DYNC2LI1: variants seen among roughly 807,000 people sequenced by gnomAD.
DYNC2LI1 encodes cytoplasmic dynein 2 light intermediate chain 1.
DYNC2LI1 carries 45 observed loss-of-function variants against 51.9 expected under a neutral mutation model. The ratio of observed to expected loss-of-function variants is 0.87; its 90% CI spans 0.68 to 1.11. The LOEUF is 1.11. DYNC2LI1 is among the 50% of genes most tolerant of loss of function. The pLI is 0.00. For missense variants in DYNC2LI1, 490 were observed against 417.4 expected (o/e 1.17, Z -1.51); for synonymous variants, 130 against 137.8 (o/e 0.94, Z 0.40).
At chr2:43,800,380 G>C (rs958962519) in intron 8 of DYNC2LI1, among the ~76,000 whole-genome samples, 2 of 152,178 alleles carry the variant, frequency 1.3e-5, no homozygotes, top group African/African-American at 2.4e-5. Context: ...CAGTCCCACA[G>C]TGACTCTTTG....
At chr2:43,807,519 A>G (rs1205529919) in intron 12 of DYNC2LI1, among the ~76,000 whole-genome samples, 1 of 151,860 alleles carries the variant, frequency 6.6e-6, no homozygotes, top group Non-Finnish European at 1.5e-5. Flanking sequence ...GGCTCACTGC[A>G]ACCTTGAACT....
chr2:43,826,315 G>A, the DYNC2LI1 span: 3 of 1,608,876 alleles, frequency 1.9e-6, no homozygotes, highest in Non-Finnish European at 2.5e-6. Context: ...TACAAATCTT[G>A]CCCCTGCCCC....
At chr2:43,826,638 G>T in the DYNC2LI1 span, 1 of 1,491,540 alleles carries the variant, frequency 6.7e-7, no homozygotes, top group Non-Finnish European at 9.2e-7. Flanking sequence ...ACAGTGTGCG[G>T]TGGGAAGTAA....
chr2:43,774,751 T>G (rs1267003801), intron 1 of DYNC2LI1, among the ~76,000 whole-genome samples: 3 of 152,198 alleles, frequency 2.0e-5, no homozygotes, highest in East Asian at 1.9e-4. Context: ...CTTGGGATAG[T>G]GTGGAGAATT....
At chr2:43,790,212 A>G (rs1673711743) in intron 5 of DYNC2LI1, among the ~76,000 whole-genome samples, 1 of 152,242 alleles carries the variant, frequency 6.6e-6, no homozygotes, top group African/African-American at 2.4e-5. Flanking sequence ...CTGACCTTAG[A>G]GAAATAGAAC....
At position 43,801,722 on chromosome 2, in the gene DYNC2LI1, A is replaced by G; in HGVS notation, c.802+13A>G. ...TTCGGTCAAATAGGTTAGTGAACTT[A>G]TTAAGATTGTTCAATCTTTTTTTAA... On this transcript the variant is annotated intron_variant, in intron 10 of 12. Coordinates refer to ENST00000260605, the MANE Select transcript of DYNC2LI1 (RefSeq NM_016008.4). 5 of 1,597,048 alleles carry G rather than the reference A, an allele frequency of 3.1e-6. No homozygotes were observed. The highest frequency in any genetic ancestry group is 4.3e-6 in the Non-Finnish European group (5 of 1,167,912).
chr2:43,801,738 CT>C, intron 10 of DYNC2LI1, 29 bp downstream of exon 10: 3 of 1,544,740 alleles, frequency 1.9e-6, no homozygotes, highest in Non-Finnish European at 2.7e-6. Flanking sequence ...ATTGTTCAAT[CT>C]TTTTTTAATT....
At chr2:43,806,821 C>T (rs947266431) in intron 12 of DYNC2LI1, among the ~76,000 whole-genome samples, 1 of 152,104 alleles carries the variant, frequency 6.6e-6, no homozygotes, top group Non-Finnish European at 1.5e-5. Context: ...CCCCACAGTA[C>T]CCATATCACC....
At chr2:43,817,885 G>A in the DYNC2LI1 span, among the ~76,000 whole-genome samples, 1 of 152,104 alleles carries the variant, frequency 6.6e-6, no homozygotes, top group African/African-American at 2.4e-5. Context: ...ATTCCAGCCT[G>A]GGTGACAGAG....
At chr2:43,779,916 G>A (rs1009372085) in intron 2 of DYNC2LI1, among the ~76,000 whole-genome samples, 6 of 152,218 alleles carry the variant, frequency 3.9e-5, no homozygotes, top group African/African-American at 1.4e-4. Flanking sequence ...GCATGGAGGA[G>A]GAAGGTGATT....
chr2:43,812,963 G>T (rs922810299), downstream of DYNC2LI1: 24 of 660,940 alleles, frequency 3.6e-5, no homozygotes, highest in Non-Finnish European at 2.8e-6. Context: ...TTCAAGGCCT[G>T]CTTGGATCCA....
chr2:43,818,399 G>A, the DYNC2LI1 span, among the ~76,000 whole-genome samples: 20 of 152,130 alleles, frequency 1.3e-4, no homozygotes, highest in Non-Finnish European at 2.6e-4. Flanking sequence ...AGCTGAGATC[G>A]CGCCATTGCA....
downstream of DYNC2LI1, chr2:43,810,389 A>C (rs1314461195): frequency 1.0e-6 from 1 of 985,250 alleles, no homozygotes; most frequent in Non-Finnish European, 1.2e-6. Context: ...AGGCACATCT[A>C]AGGAGATATC....
intron 1 of DYNC2LI1, among the ~76,000 whole-genome samples, chr2:43,774,349 A>T (rs1672913818): frequency 6.6e-6 from 1 of 152,218 alleles, no homozygotes; most frequent in African/African-American, 2.4e-5. Context: ...TAGGTAGAAA[A>T]GTGAGAGATT....
intron 9 of DYNC2LI1, 137 bp from the exon 10 acceptor site, chr2:43,801,498 GTCAC>G (rs1224559803): frequency 2.5e-5 from 13 of 521,322 alleles, no homozygotes; most frequent in East Asian, 1.9e-4. Flanking sequence ...TAAATTGATA[GTCAC>G]TCATTCATTC....
chr2:43,794,809 A>T, intron 6 of DYNC2LI1, 166 bp downstream of exon 6: 1 of 1,472,212 alleles, frequency 6.8e-7, no homozygotes, highest in Non-Finnish European at 9.0e-7. Context: ...CCTCAGTAAG[A>T]GCAAAACAAG....
At chr2:43,828,139 A>G in the DYNC2LI1 span, 5 of 1,613,532 alleles carry the variant, frequency 3.1e-6, no homozygotes, top group African/African-American at 5.3e-5. Context: ...AAATTACAGG[A>G]AGGCTGGGAG....
intron 1 of DYNC2LI1, among the ~76,000 whole-genome samples, chr2:43,776,220 G>T (rs183128513): frequency 6.6e-6 from 1 of 151,888 alleles, no homozygotes; most frequent in Non-Finnish European, 1.5e-5. Context: ...AGTAGTAGCA[G>T]TAGTAGAGAT....
At chr2:43,797,955 G>T (rs950052618) in intron 8 of DYNC2LI1, among the ~76,000 whole-genome samples, 72 of 152,016 alleles carry the variant, frequency 4.7e-4, no homozygotes, top group Non-Finnish European at 8.5e-4. Context: ...GTGAGAACCT[G>T]TCTCTACAAA....
Sources: gnomAD v4.1 joint callset for allele counts (sites outside exome capture counted in the v4.1 genomes callset) on GRCh38, gnomAD v4.1.1 for gene constraint, MANE v1.5 for transcripts, NCBI Gene and HGNC (gene_info 2026-07-23, HGNC 2026-07-21) for gene names.